The following DAB1 variants were observed in gnomAD, a reference collection of about 807,000 sequenced individuals.
DAB1 encodes DAB adaptor protein 1.
A neutral mutation model predicts 64.6 loss-of-function variants in DAB1; 15 were observed. The observed-to-expected ratio is 0.23, with a 90% confidence interval of 0.16 to 0.36. The LOEUF is 0.36. DAB1 is among the 10% of genes least tolerant of loss of function. The pLI, the probability that DAB1 is intolerant of heterozygous loss-of-function variation, is 1.00. For missense variants in DAB1, 596 were observed against 706.7 expected (o/e 0.84, Z 1.78); for synonymous variants, 235 against 251.9 (o/e 0.93, Z 0.64).
intron 4 of DAB1, among the ~76,000 whole-genome samples, chr1:57,105,634 T>C (rs1326705472): frequency 6.6e-6 from 1 of 152,224 alleles, no homozygotes. Flanking sequence ...CTCATTTTCA[T>C]GTAAATCAGG....
chr1:57,013,249 C>A (rs1054411113), intron 12 of DAB1, among the ~76,000 whole-genome samples: 27 of 152,180 alleles, frequency 1.8e-4, no homozygotes, highest in African/African-American at 6.3e-4. Context: ...TTCCCAAATG[C>A]CTCTCATGTC....
At chr1:58,151,411 T>A (rs985155513) in intron 4 of DAB1, among the ~76,000 whole-genome samples, 2 of 152,210 alleles carry the variant, frequency 1.3e-5, no homozygotes, top group East Asian at 1.9e-4. Flanking sequence ...GGTATCTCAT[T>A]GTGGTTTTGA....
At chr1:57,080,736 ACACACACACACACACACACG>A (rs1491184357) in intron 4 of DAB1, among the ~76,000 whole-genome samples, 1 of 136,300 alleles carries the variant, frequency 7.3e-6, no homozygotes, top group African/African-American at 2.7e-5. Flanking sequence ...AGAAGTTACA[ACACACACACACACACACACG>A]CACACACACA....
At chr1:58,145,069 G>C (rs1654512019) in intron 5 of DAB1, among the ~76,000 whole-genome samples, 1 of 152,242 alleles carries the variant, frequency 6.6e-6, no homozygotes, top group African/African-American at 2.4e-5. Flanking sequence ...ACAAACAAGA[G>C]ACGGAAACCT....
chr1:57,695,388 GAAAGAAAGAAAGAAAGAAAGAAAGA>G (rs1646827340), intron 6 of DAB1, among the ~76,000 whole-genome samples: 78 of 78,576 alleles, frequency 9.9e-4, no homozygotes, highest in Middle Eastern at 7.7e-3. Context: ...AAGAAAGAAA[GAAAGAAAGAAAGAAAGAAAGAAAGA>G]AAGAAAGAAA....
intron 1 of DAB1, among the ~76,000 whole-genome samples, chr1:57,341,677 T>C (rs1192040943): frequency 6.6e-6 from 1 of 152,160 alleles, no homozygotes; most frequent in Non-Finnish European, 1.5e-5. Context: ...CAATTTAAAC[T>C]CTTTTAGAAC....
intron 7 of DAB1, among the ~76,000 whole-genome samples, chr1:57,623,022 G>A (rs1385333210): frequency 6.6e-6 from 1 of 152,130 alleles, no homozygotes; most frequent in South Asian, 2.1e-4. Context: ...TTATAGAAGG[G>A]CTATTAGTCT....
chr1:58,032,219 G>A (rs1203126114), intron 5 of DAB1, among the ~76,000 whole-genome samples: 2 of 152,016 alleles, frequency 1.3e-5, no homozygotes, highest in Admixed American at 1.3e-4. Flanking sequence ...ATAATTTGAG[G>A]AGCACCAATC....
At chr1:57,457,692 C>T (rs1424894168) in intron 7 of DAB1, among the ~76,000 whole-genome samples, 2 of 152,038 alleles carry the variant, frequency 1.3e-5, no homozygotes, top group Non-Finnish European at 1.5e-5. Flanking sequence ...ACAGAACTGA[C>T]ACTGGGAACA....
chr1:57,215,960 G>C (rs77710249), intron 2 of DAB1, among the ~76,000 whole-genome samples: 1 of 152,170 alleles, frequency 6.6e-6, no homozygotes, highest in African/African-American at 2.4e-5. Context: ...GATCTGAAGA[G>C]TAGGCCCCAA....
intron 3 of DAB1, among the ~76,000 whole-genome samples, chr1:58,413,358 G>C (rs527677236): frequency 6.6e-6 from 1 of 152,284 alleles, no homozygotes; most frequent in Admixed American, 6.5e-5. Flanking sequence ...ACTCTATGAG[G>C]TATGCTCTAT....
In DAB1 at chr1:57,415,233, G is replaced by A. The variant is rs537682238; in HGVS notation, c.-137+8697C>T. 1.5e-3 allele frequency among the ~76,000 whole-genome samples: 201 copies of A among 137,782 alleles called. 2 individuals are homozygous for A. Among genetic ancestry groups the A allele is most frequent in the African/African-American group, 5.2e-3 (186 of 36,102 alleles). 90.4% of individuals were successfully genotyped at this position (137,782 alleles called of 152,430 possible). A position where few individuals can be genotyped will look rare whatever the true frequency, so the allele number is the denominator to read the frequency against. On this transcript the variant is annotated intron_variant, in intron 1 of 14. Coordinates refer to ENST00000371236, the MANE Select transcript of DAB1 (RefSeq NM_001365792.1). ...CATATGAAAGAAAATTAGAATAAATGCCTACCTCACACAACACACACACAC... is the reference window on the plus strand; with the variant it reads ...CATATGAAAGAAAATTAGAATAAATACCTACCTCACACAACACACACACAC...
chr1:57,386,377 A>AC (rs954308336), intron 1 of DAB1, among the ~76,000 whole-genome samples: 3 of 151,142 alleles, frequency 2.0e-5, no homozygotes, highest in African/African-American at 7.3e-5. Context: ...AAAAAAAAAA[A>AC]AAAAAAAAAA....
In DAB1 at chr1:57,658,687, C is replaced by T. The variant is rs1646347660; in HGVS notation, n.552-9022G>A. 1.3e-5 allele frequency among the ~76,000 whole-genome samples: 2 copies of T among 152,036 alleles called. 1 individual carries two copies. The highest frequency in any genetic ancestry group is 4.1e-4 in the South Asian group (2 of 4,820). ...AGACAATTCTCATGACTCAGCCTCC[C>T]GAGTAGCTGGGATTACAAGCATATG... On this transcript the variant is annotated intron_variant and non_coding_transcript_variant, in intron 6 of 20. Transcript: ENST00000485760.
At chr1:57,065,070 T>G (rs1650767969) in intron 8 of DAB1, among the ~76,000 whole-genome samples, 1 of 152,136 alleles carries the variant, frequency 6.6e-6, no homozygotes, top group Non-Finnish European at 1.5e-5. Flanking sequence ...CAATTATCCC[T>G]AAAAATGGAG....
At chr1:58,298,127 T>G (rs1662035206) in intron 4 of DAB1, among the ~76,000 whole-genome samples, 1 of 152,254 alleles carries the variant, frequency 6.6e-6, no homozygotes, top group South Asian at 2.1e-4. Context: ...ACTTTGTATC[T>G]TTGCAATCTT....
chr1:57,555,320 AC>A (rs1644974905), intron 7 of DAB1, among the ~76,000 whole-genome samples: 1 of 149,094 alleles, frequency 6.7e-6, no homozygotes, highest in African/African-American at 2.5e-5. Flanking sequence ...GGCGTGAGCC[AC>A]CCCACCTGGC....
At chr1:58,209,059 G>A (rs933720372) in intron 4 of DAB1, among the ~76,000 whole-genome samples, 1 of 152,152 alleles carries the variant, frequency 6.6e-6, no homozygotes, top group Non-Finnish European at 1.5e-5. Flanking sequence ...TTTTTCAGGA[G>A]ATAAGTGAGG....
Position 57,198,649 on chromosome 1 carries a change from T to TCTCTCTCTCTCACACA in DAB1, c.68-53221_68-53220insTGTGTGAGAGAGAGAG, listed in dbSNP as rs1477522407. On this transcript the variant is annotated intron_variant, in intron 2 of 14. Transcript: ENST00000371236. ...CCTCCCTCCCTGCATCTTCTCTCTC[T>TCTCTCTCTCTCACACA]CACACACACACACACACACACACAC... Among the ~76,000 whole-genome samples, 46 of 128,332 alleles carry TCTCTCTCTCTCACACA rather than the reference T, an allele frequency of 3.6e-4. No individual in the cohort carries two copies. The East Asian group carries it at 6.9e-3, about 19-fold the overall frequency. 84.2% of individuals were successfully genotyped at this position (128,332 alleles called of 152,430 possible).
Sources: gnomAD v4.1 joint callset for allele counts (sites outside exome capture counted in the v4.1 genomes callset) on GRCh38, gnomAD v4.1.1 for gene constraint, MANE v1.5 for transcripts, NCBI Gene and HGNC (gene_info 2026-07-23, HGNC 2026-07-21) for gene names.